ACTR2: variants seen among roughly 807,000 people sequenced by gnomAD.
ACTR2 encodes the protein actin-related protein 2.
ACTR2 carries 5 observed loss-of-function variants against 50.2 expected under a neutral mutation model. The ratio of observed to expected loss-of-function variants is 0.10; its 90% CI spans 0.05 to 0.21. The LOEUF (loss-of-function observed/expected upper bound fraction) is 0.21, where lower values mean the gene tolerates loss of function less well. Ranked by LOEUF, ACTR2 falls within the 10% of genes least tolerant of loss-of-function variation. The pLI is 1.00. For missense variants in ACTR2, 180 were observed against 480.6 expected (o/e 0.37, Z 5.85); for synonymous variants, 140 against 162.9 (o/e 0.86, Z 1.07).
At chr2:65,266,515 A>G (rs139675929) in intron 8 of ACTR2, among the ~76,000 whole-genome samples, 1 of 152,144 alleles carries the variant, frequency 6.6e-6, no homozygotes, top group East Asian at 1.9e-4. Flanking sequence ...AGCCATGGTA[A>G]AGGGTTTGGC....
chr2:65,253,396 T>G (rs1672088990), intron 4 of ACTR2, among the ~76,000 whole-genome samples: 1 of 151,858 alleles, frequency 6.6e-6, no homozygotes, highest in African/African-American at 2.4e-5. Context: ...TGAGCCTAGA[T>G]TGAGCCACTG....
intron 7 of ACTR2, among the ~76,000 whole-genome samples, chr2:65,262,050 T>C (rs1459586771): frequency 6.6e-6 from 1 of 152,218 alleles, no homozygotes; most frequent in African/African-American, 2.4e-5. Context: ...TCAGGTCCTT[T>C]GCCCATTTAT....
chr2:65,245,932 G>A (rs892621235), intron 2 of ACTR2, among the ~76,000 whole-genome samples: 128 of 152,134 alleles, frequency 8.4e-4, no homozygotes, highest in African/African-American at 2.9e-3. Flanking sequence ...ATTCACCTTG[G>A]TGAGGCATAT....
chr2:65,233,778 A>C (rs1398561594), intron 1 of ACTR2, among the ~76,000 whole-genome samples: 1 of 151,772 alleles, frequency 6.6e-6, no homozygotes, highest in Non-Finnish European at 1.5e-5. Flanking sequence ...CGCCCAGCCA[A>C]TTTTGTACTT....
chr2:65,251,104 G>GTTAAGC lies in ACTR2; in HGVS notation c.448+10_448+15dup, dbSNP rs1220770238. On this transcript the variant is annotated splice_donor_region_variant and intron_variant, in intron 4 of 8. Transcript: ENST00000260641. ...TTCTGACTTTGTACGCTCAAGGTAG[G>GTTAAGC]TTAAGCTTAACTGTTAGAAAAAACA... 6.3e-7 allele frequency: 1 copy of GTTAAGC among 1,590,132 alleles called. No individual in the cohort carries two copies. The highest frequency in any genetic ancestry group is 1.1e-5 in the South Asian group (1 of 87,136).
chr2:65,228,130 C>A, intron 1 of ACTR2, 173 bp downstream of exon 1: 1 of 516,242 alleles, frequency 1.9e-6, no homozygotes, highest in Non-Finnish European at 3.1e-6. Flanking sequence ...TCCCTGGTCT[C>A]CCTTGAGCCT....
chr2:65,267,343 C>A (rs1191029287), intron 8 of ACTR2, among the ~76,000 whole-genome samples: 1 of 152,098 alleles, frequency 6.6e-6, no homozygotes, highest in African/African-American at 2.4e-5. Context: ...AGTTTGCTGA[C>A]CCCTATGTAA....
At position 65,261,238 on chromosome 2, in the gene ACTR2, GGT is replaced by G. The variant is rs762515276; in HGVS notation, c.736-8_736-7del. 5.1e-5 allele frequency: 82 copies of G among 1,613,702 alleles called. No individual in the cohort carries two copies. The highest frequency in any genetic ancestry group is 6.9e-5 in the Non-Finnish European group (81 of 1,179,932). ...TGCTGATTAGTACCTGATTATTCTT[GGT>G]TTCTAGCTCCCAGATGGACGTATCA... On this transcript the variant is annotated splice_polypyrimidine_tract_variant and splice_region_variant and intron_variant, in intron 6 of 8. Coordinates refer to ENST00000260641, the MANE Select transcript of ACTR2 (RefSeq NM_005722.4).
chr2:65,245,412 C>CA (rs1671916959), intron 2 of ACTR2, among the ~76,000 whole-genome samples: 1 of 152,002 alleles, frequency 6.6e-6, no homozygotes, highest in Non-Finnish European at 1.5e-5. Flanking sequence ...CCCAGCTACT[C>CA]AGGAGGCTGA....
At chr2:65,229,833 C>G (rs1046356274) in intron 1 of ACTR2, among the ~76,000 whole-genome samples, 3 of 151,338 alleles carry the variant, frequency 2.0e-5, no homozygotes, top group African/African-American at 7.3e-5. Context: ...AAAGGCAGAT[C>G]CACTGCTATG....
chr2:65,231,326 A>G (rs1342208313), intron 1 of ACTR2, among the ~76,000 whole-genome samples: 2 of 152,202 alleles, frequency 1.3e-5, no homozygotes, highest in African/African-American at 2.4e-5. Context: ...AGTTCTGAGT[A>G]TGTAGAGGAC....
Position 65,244,941 on chromosome 2 carries a change from C to CAA in ACTR2, c.160-1566_160-1565dup, listed in dbSNP as rs35780666. Among the ~76,000 whole-genome samples, 274 of 77,024 alleles carry CAA rather than the reference C, an allele frequency of 3.6e-3. 4 individuals are homozygous for CAA. The highest frequency in any genetic ancestry group is 0.012 in the African/African-American group (260 of 21,872). The allele number at this position is 77,024 out of a possible 152,430, so 50.5% of individuals were successfully genotyped here. ...TGGGTGACAGAGTGAGACCCCATCTCAAAAAAAAAAAAAAAAAAGAGTGTA... is the reference window on the plus strand; with the variant it reads ...TGGGTGACAGAGTGAGACCCCATCTCAAAAAAAAAAAAAAAAAAAAGAGTGTA... On this transcript the variant is annotated intron_variant, in intron 2 of 8. Coordinates refer to ENST00000260641, the MANE Select transcript of ACTR2 (RefSeq NM_005722.4).
intron 2 of ACTR2, chr2:65,242,196 T>G (rs1671850321): frequency 1.5e-6 from 1 of 672,798 alleles, no homozygotes; most frequent in Non-Finnish European, 2.7e-6. Flanking sequence ...ACTTTGATTT[T>G]TAACCTTTTT....
At position 65,227,972 on chromosome 2, in the gene ACTR2, A is replaced by G; in HGVS notation, c.48+15A>G. The G allele has an allele frequency of 6.7e-7, 1 of 1,501,280 alleles. No individual in the cohort carries two copies. The highest frequency in any genetic ancestry group is 2.3e-5 in the Admixed American group (1 of 42,882). 93.0% of individuals were successfully genotyped at this position (1,501,280 alleles called of 1,614,324 possible). On this transcript the variant is annotated intron_variant, in intron 1 of 8. Transcript: ENST00000260641. ...ACGGCACCGGGGTAAGGGCCGCGCG[A>G]GGAGGCCTTGGCGGCCACAGACGCC...
At chr2:65,239,449 C>T (rs892758989) in intron 1 of ACTR2, among the ~76,000 whole-genome samples, 19 of 152,184 alleles carry the variant, frequency 1.2e-4, no homozygotes, top group Admixed American at 9.8e-4. Context: ...AGTGAAACTC[C>T]GTCTCAAAAC....
chr2:65,234,486 A>G (rs953166341), intron 1 of ACTR2, among the ~76,000 whole-genome samples: 1 of 152,118 alleles, frequency 6.6e-6, no homozygotes, highest in African/African-American at 2.4e-5. Context: ...CAGGGATTTC[A>G]GTTTTTGTCT....
At chr2:65,258,880 G>A (rs577467929) in intron 6 of ACTR2, among the ~76,000 whole-genome samples, 1 of 152,300 alleles carries the variant, frequency 6.6e-6, no homozygotes, top group East Asian at 1.9e-4. Flanking sequence ...TCTGCTGTGT[G>A]AAGTTTTTCC....
At chr2:65,250,971 T>C in intron 3 of ACTR2, 56 bp from the exon 4 acceptor site, 1 of 1,262,110 alleles carries the variant, frequency 7.9e-7, no homozygotes, top group Non-Finnish European at 1.1e-6. Context: ...GGAAAACATT[T>C]ATTTATTATG....
intron 6 of ACTR2, among the ~76,000 whole-genome samples, chr2:65,260,771 C>T (rs902308930): frequency 1.3e-5 from 2 of 149,378 alleles, no homozygotes; most frequent in Admixed American, 1.3e-4. Context: ...GCTCTATTGC[C>T]CCTGCTGGAG....
Sources: allele counts gnomAD v4.1 joint callset (sites outside exome capture counted in the v4.1 genomes callset), GRCh38; gene constraint gnomAD v4.1.1; transcripts MANE v1.5; gene names NCBI Gene and HGNC (gene_info 2026-07-23, HGNC 2026-07-21).